Variants in RECQL5 observed in about 807,000 individuals in gnomAD.
RECQL5 encodes ATP-dependent DNA helicase Q5.
A neutral mutation model predicts 103.4 loss-of-function variants in RECQL5; 88 were observed. The ratio of observed to expected loss-of-function variants is 0.85; its 90% CI spans 0.72 to 1.02. The LOEUF (loss-of-function observed/expected upper bound fraction) is 1.02. RECQL5 is among the 50% of genes least tolerant of loss of function. The pLI is 0.00. For synonymous variants in RECQL5, 552 were observed against 507.9 expected (o/e 1.09, Z -1.17); for missense variants, 1,232 against 1,284.3 (o/e 0.96, Z 0.62).
chr17:75,654,131 C>T (rs540459382), intron 7 of RECQL5, among the ~76,000 whole-genome samples: 1 of 152,146 alleles, frequency 6.6e-6, no homozygotes, highest in African/African-American at 2.4e-5. Context: ...ACAGCTAAAC[C>T]GAAGTGATTG....
chr17:75,665,887 C>T (rs1368827089), intron 2 of RECQL5, among the ~76,000 whole-genome samples: 1 of 152,176 alleles, frequency 6.6e-6, no homozygotes, highest in African/African-American at 2.4e-5. Flanking sequence ...TTCCATTTGT[C>T]ACCGTATCTC....
chr17:75,662,504 G>C lies in RECQL5; in HGVS notation c.746C>G (p.Ala249Gly). ...CCCTTTATCAGCCTCCTGTCCAAGA[G>C]CCTTAAGGCAGAAGTCCTTCAGGTT... ...YGNLKDFCLKALGQEADKGLS... is the reference protein window; with the variant it reads ...YGNLKDFCLKGLGQEADKGLS... The change falls in exon 4 of 20, where the codon GCT (alanine) becomes GGT (glycine). Residue 249 changes from alanine (A) to glycine (G), a missense_variant. Coordinates refer to ENST00000317905, the MANE Select transcript of RECQL5 (RefSeq NM_004259.7). 1.2e-6 allele frequency: 2 copies of C among 1,614,022 alleles called. No homozygotes were observed. The highest frequency in any genetic ancestry group is 1.7e-6 in the Non-Finnish European group (2 of 1,179,972).
rs1037318009 is a variant in RECQL5, at chr17:75,644,854, T to C, written c.1229+6332A>G. Among the ~76,000 whole-genome samples the C allele has an allele frequency of 1.2e-4, 18 of 151,126 alleles. No homozygotes were observed. In the East Asian group the frequency reaches 1.4e-3, roughly 11 times the overall value. On this transcript the variant is annotated intron_variant, in intron 8 of 19. Coordinates refer to ENST00000317905, the MANE Select transcript of RECQL5 (RefSeq NM_004259.7). ...AAAAAAAAAAAAAAAAATTATCCAA[T>C]TGGGGCCGGCAGTTAATTGAAAGAG... is the stretch of plus-strand genomic sequence containing the variant.
At chr17:75,650,519 C>T in intron 8 of RECQL5, 1 of 1,449,422 alleles carries the variant, frequency 6.9e-7, no homozygotes. Flanking sequence ...TTATTCACCT[C>T]TAAGTCTGAA....
At chr17:75,650,837 G>C in intron 8 of RECQL5, 1 of 1,488,414 alleles carries the variant, frequency 6.7e-7, no homozygotes, top group Non-Finnish European at 8.9e-7. Flanking sequence ...AGTGATGCCA[G>C]AAGTCCCAGC....
intron 7 of RECQL5, among the ~76,000 whole-genome samples, chr17:75,656,473 T>C (rs1182271214): frequency 6.6e-6 from 1 of 152,202 alleles, no homozygotes; most frequent in African/African-American, 2.4e-5. Context: ...TAAGTTTTTT[T>C]TTTGTTTCTA....
At chr17:75,664,069 A>AAG (rs1406976229) in intron 3 of RECQL5, among the ~76,000 whole-genome samples, 2 of 151,080 alleles carry the variant, frequency 1.3e-5, no homozygotes, top group South Asian at 2.1e-4. Context: ...AAAAAAAAAA[A>AAG]AAAAGAAAGA....
At chr17:75,630,570 G>A in intron 13 of RECQL5, 49 bp downstream of exon 13, 1 of 1,592,924 alleles carries the variant, frequency 6.3e-7, no homozygotes, top group Non-Finnish European at 8.6e-7. Flanking sequence ...CAGTCTCCAA[G>A]GGAACGAGAG....
At chr17:75,650,152 T>C in intron 8 of RECQL5, 1 of 986,646 alleles carries the variant, frequency 1.0e-6, no homozygotes, top group Non-Finnish European at 1.2e-6. Flanking sequence ...GCAACTCCCA[T>C]ATTAATTGTG....
At position 75,632,258 on chromosome 17, in the gene RECQL5, C is replaced by A. The variant is rs1046638566; in HGVS notation, c.1230-590G>T. 8.5e-5 allele frequency among the ~76,000 whole-genome samples: 13 copies of A among 152,222 alleles called. 1 individual carries two copies. The highest frequency in any genetic ancestry group is 1.5e-4 in the Non-Finnish European group (10 of 68,040). ...ATATGTGAATACCACTGTGTTACAACTGCATACGGTACTCAGGACAGTAAC... is the reference window on the plus strand; with the variant it reads ...ATATGTGAATACCACTGTGTTACAAATGCATACGGTACTCAGGACAGTAAC... On this transcript the variant is annotated intron_variant, in intron 8 of 19. Coordinates refer to ENST00000317905, the MANE Select transcript of RECQL5 (RefSeq NM_004259.7).
intron 4 of RECQL5, among the ~76,000 whole-genome samples, 193 bp downstream of exon 4, chr17:75,662,286 G>A (rs1247783793): frequency 6.6e-6 from 1 of 152,222 alleles, no homozygotes; most frequent in Non-Finnish European, 1.5e-5. Context: ...GCCTTCCACA[G>A]GATCCAGAAC....
chr17:75,666,163 T>C (rs560380733), intron 2 of RECQL5, among the ~76,000 whole-genome samples: 2 of 152,056 alleles, frequency 1.3e-5, no homozygotes, highest in South Asian at 4.2e-4. Context: ...TGGTGGCTCA[T>C]GCTTGTAATC....
chr17:75,639,472 G>C (rs540859967), intron 8 of RECQL5: 1 of 152,452 alleles, frequency 6.6e-6, no homozygotes, highest in Admixed American at 6.5e-5. Context: ...TGGGAGTGGA[G>C]AGGACTTTCC....
At chr17:75,661,743 G>C (rs376848628) in intron 4 of RECQL5, 35 bp from the exon 5 acceptor site, 205 of 1,512,076 alleles carry the variant, frequency 1.4e-4, no homozygotes, top group Non-Finnish European at 1.7e-4. Flanking sequence ...AATAAGCATA[G>C]CAAGAACAGA....
chr17:75,627,836 G>C (rs888225550), intron 18 of RECQL5, 144 bp from the exon 19 acceptor site: 1 of 695,622 alleles, frequency 1.4e-6, no homozygotes, highest in African/African-American at 1.8e-5. Context: ...TGGCTAACAC[G>C]GTGAAACCCT....
chr17:75,642,382 T>C (rs940526349), intron 8 of RECQL5, among the ~76,000 whole-genome samples: 9 of 152,208 alleles, frequency 5.9e-5, no homozygotes, highest in African/African-American at 2.2e-4. Context: ...AAACATGTCA[T>C]GGAGAGGGGA....
chr17:75,663,697 G>A (rs565974882), intron 3 of RECQL5, among the ~76,000 whole-genome samples: 4 of 152,230 alleles, frequency 2.6e-5, no homozygotes, highest in South Asian at 4.1e-4. Context: ...CCCTCTGAAC[G>A]ATTTATACAA....
intron 8 of RECQL5, among the ~76,000 whole-genome samples, chr17:75,645,957 T>C (rs2059484241): frequency 6.6e-6 from 1 of 152,188 alleles, no homozygotes; most frequent in African/African-American, 2.4e-5. Context: ...CTCTCTGATC[T>C]CACAACTGGA....
intron 8 of RECQL5, chr17:75,647,677 C>A: frequency 9.8e-7 from 1 of 1,018,386 alleles, no homozygotes; most frequent in Non-Finnish European, 1.4e-6. Context: ...GCCCTGGTGT[C>A]TTCCTTTCCC....
Sources: allele counts gnomAD v4.1 joint callset (sites outside exome capture counted in the v4.1 genomes callset), GRCh38; gene constraint gnomAD v4.1.1; transcripts MANE v1.5; gene names NCBI Gene and HGNC (gene_info 2026-07-23, HGNC 2026-07-21).